ZNF605: variants seen among roughly 807,000 people sequenced by gnomAD.
ZNF605 encodes the protein zinc finger protein 605.
A neutral mutation model predicts 7.9 loss-of-function variants in ZNF605; 9 were observed. The observed-to-expected ratio is 1.14, with a 90% CI of 0.68 to 1.98. ZNF605 has a LOEUF of 1.98. Among genes scored for constraint, ZNF605 ranks in the 30% most tolerant of loss-of-function variants. The pLI, the probability that ZNF605 is intolerant of heterozygous loss-of-function variation, is 0.00. For missense variants in ZNF605, 673 were observed against 762.4 expected, an observed-to-expected ratio of 0.88 and a Z score of 1.38; for synonymous variants, 255 against 260.1, an observed-to-expected ratio of 0.98 and a Z score of 0.19.
At chr12:132,930,879 AC>A (rs1341885338) in intron 4 of ZNF605, among the ~76,000 whole-genome samples, 5 of 152,022 alleles carry the variant, frequency 3.3e-5, no homozygotes, top group Admixed American at 3.3e-4. Context: ...ATTATGCCTC[AC>A]CCCTGTAATC....
In ZNF605 at chr12:132,926,510, A is replaced by C; in HGVS notation, c.789T>G (p.Ser263Arg). Residue 263 changes from serine to arginine, a missense_variant, in exon 5 of 5, where the codon AGT becomes AGG. Physicochemically the swap from Ser to Arg is moderately radical, Grantham distance 110 (BLOSUM62 -1). Transcript: ENST00000360187. ...GATGTCTTTTAAGCTGCGACTTCCTACTGAAGGCTTTTCCACATTCACTGC... is the reference window on the plus strand; with the variant it reads ...GATGTCTTTTAAGCTGCGACTTCCTCCTGAAGGCTTTTCCACATTCACTGC... Reference protein sequence around the residue: ...YGCSECGKAFSRKSQLKRHQI... With the variant: ...YGCSECGKAFRRKSQLKRHQI... 6.2e-7 allele frequency: 1 copy of C among 1,614,012 alleles called. No homozygotes were observed. Among genetic ancestry groups the C allele is most frequent in the Non-Finnish European group, 8.5e-7 (1 of 1,179,972 alleles).
At chr12:132,954,449 A>AGGAAAAGGGTGGGGAGGGG (rs1952612578) in intron 1 of ZNF605, among the ~76,000 whole-genome samples, 1 of 2,202 alleles carries the variant, frequency 4.5e-4, no homozygotes, top group African/African-American at 1.8e-3. Flanking sequence ...TAGGGAGGGG[A>AGGAAAAGGGTGGGGAGGGG]GGAGAAGGGT....
chr12:132,934,103 ACACACACACATG>A (rs1412547436), intron 3 of ZNF605, among the ~76,000 whole-genome samples: 6 of 151,254 alleles, frequency 4.0e-5, no homozygotes, highest in Admixed American at 3.3e-4. Flanking sequence ...TTAAACACAC[ACACACACACATG>A]CACACACACA....
At chr12:132,927,310 A>T in intron 4 of ZNF605, 148 bp from the exon 5 acceptor site, 1 of 528,972 alleles carries the variant, frequency 1.9e-6, no homozygotes, top group Admixed American at 3.8e-5. Context: ...TTTTAACAGA[A>T]ATGAAAATGA....
chr12:132,930,090 G>T (rs2137129395), intron 4 of ZNF605, among the ~76,000 whole-genome samples: 1 of 152,216 alleles, frequency 6.6e-6, no homozygotes, highest in East Asian at 1.9e-4. Context: ...GAGTGACGAG[G>T]TAGGGTCATA....
chr12:132,926,243 G>A lies in ZNF605; in HGVS notation c.1056C>T (p.Leu352=), dbSNP rs1212084943. 3 of 1,613,636 alleles carry A rather than the reference G, an allele frequency of 1.9e-6. No homozygotes were observed. In the African/African-American group the frequency reaches 4.0e-5, roughly 22 times the overall value. ...CTGTATGAATCCTCTGATGCCTAAT[G>A]AGAAGTGAGTTCCTGCTGAAGGCTT... is the stretch of plus-strand genomic sequence containing the variant. ...CQKAFSRNSL[L]IRHQRIHTGE... Residue 352 remains leucine, a synonymous_variant, in exon 5 of 5, where the codon CTC becomes CTT. Transcript: ENST00000360187.
intron 3 of ZNF605, among the ~76,000 whole-genome samples, chr12:132,938,138 G>T (rs1412576786): frequency 1.3e-5 from 2 of 148,478 alleles, no homozygotes; most frequent in Non-Finnish European, 3.0e-5. Context: ...CTGCCACTAC[G>T]CCCGGCTAAC....
chr12:132,931,904 T>C (rs1217681752), intron 4 of ZNF605, among the ~76,000 whole-genome samples: 1 of 152,134 alleles, frequency 6.6e-6, no homozygotes, highest in Non-Finnish European at 1.5e-5. Context: ...AAGCAAAATC[T>C]CCTTACTATG....
chr12:132,943,364 AAAAAAAAAC>A (rs1952464317), intron 3 of ZNF605, among the ~76,000 whole-genome samples: 1 of 151,852 alleles, frequency 6.6e-6, no homozygotes, highest in African/African-American at 2.4e-5. Context: ...ATCTCAAAAA[AAAAAAAAAC>A]AAAAAAAACC....
At chr12:132,943,140 A>G (rs771922923) in intron 3 of ZNF605, among the ~76,000 whole-genome samples, 1 of 152,022 alleles carries the variant, frequency 6.6e-6, no homozygotes, top group Non-Finnish European at 1.5e-5. Flanking sequence ...AGGTGGGTGG[A>G]TCCCAAGGTC....
At position 132,950,928 on chromosome 12, in the gene ZNF605, TAC is replaced by T. The variant is rs1421978474; in HGVS notation, c.-285-2660_-285-2659del. ...CACATACTGATACACACGTAACGTA[TAC>T]ACAGACACGTACACATAGACATGCA... On this transcript the variant is annotated intron_variant, in intron 1 of 4. Coordinates refer to ENST00000360187, the MANE Select transcript of ZNF605 (RefSeq NM_183238.4). Among the ~76,000 whole-genome samples the T allele has an allele frequency of 7.4e-5, 11 of 148,884 alleles. No individual in the cohort carries two copies. In the South Asian group the frequency reaches 8.5e-4, roughly 12 times the overall value.
intron 1 of ZNF605, among the ~76,000 whole-genome samples, chr12:132,953,837 C>T (rs1952601149): frequency 6.6e-6 from 1 of 152,062 alleles, no homozygotes; most frequent in South Asian, 2.1e-4. Flanking sequence ...CACCCTCACC[C>T]ACCCGCACAC....
In ZNF605 at chr12:132,940,089, A is replaced by G. The variant is rs532774022; in HGVS notation, c.15+5532T>C. Among the ~76,000 whole-genome samples the G allele has an allele frequency of 8.9e-4, 136 of 152,062 alleles. 1 individual carries two copies. The highest frequency in any genetic ancestry group is 1.4e-3 in the Non-Finnish European group (92 of 67,932). On this transcript the variant is annotated intron_variant, in intron 3 of 4. Coordinates refer to ENST00000360187, the MANE Select transcript of ZNF605 (RefSeq NM_183238.4). ...CGGCTTCATTCTTGAAGTCAGTGAGACCAAGAACCCACCCATTCTGGACAC... is the reference window on the plus strand; with the variant it reads ...CGGCTTCATTCTTGAAGTCAGTGAGGCCAAGAACCCACCCATTCTGGACAC...
chr12:132,942,613 C>T (rs951621328), intron 3 of ZNF605, among the ~76,000 whole-genome samples: 6 of 152,198 alleles, frequency 3.9e-5, no homozygotes, highest in Admixed American at 6.5e-5. Context: ...CTGAGGCGTG[C>T]GTGCCCGGCT....
rs984287858 is a variant in ZNF605 at position 132,923,678 on chromosome 12, T to A, written c.*1695A>T. 1 of 152,198 alleles carries A rather than the reference T, an allele frequency of 6.6e-6. No homozygotes were observed. Among genetic ancestry groups the A allele is most frequent in the African/African-American group, 2.4e-5 (1 of 41,448 alleles). 9.4% of individuals were successfully genotyped at this position (152,198 alleles called of 1,614,324 possible). ...GTGCACTGCTGTGATGTAAATTATG[T>A]TTATTCTACTTCAGGTCATTTGAGC... On this transcript the variant is annotated 3_prime_UTR_variant, in exon 5 of 5. Transcript: ENST00000360187.
At chr12:132,949,685 TG>T (rs879125574) in intron 1 of ZNF605, among the ~76,000 whole-genome samples, 30 of 151,474 alleles carry the variant, frequency 2.0e-4, no homozygotes, top group African/African-American at 7.3e-4. Context: ...ACTCAGGTCA[TG>T]AGGGGAGACA....
chr12:132,939,110 A>G lies in ZNF605; in HGVS notation c.16-5955T>C, dbSNP rs866865842. 4.4e-3 allele frequency among the ~76,000 whole-genome samples: 664 copies of G among 151,528 alleles called. 1 individual carries two copies. Among genetic ancestry groups the G allele is most frequent in the Middle Eastern group, 0.01 (3 of 294 alleles). On this transcript the variant is annotated intron_variant, in intron 3 of 4. Coordinates refer to ENST00000360187, the MANE Select transcript of ZNF605 (RefSeq NM_183238.4). ...CCCCTGCTCCACGGCGCCCAGTCCC[A>G]TCGACCACCCAAGGGCTGAGGAATG...
chr12:132,925,212 C>A lies in ZNF605; in HGVS notation c.*161G>T. 1.8e-6 allele frequency: 1 copy of A among 542,014 alleles called. No homozygotes were observed. The highest frequency in any genetic ancestry group is 3.1e-6 in the Non-Finnish European group (1 of 318,354). The allele number at this position is 542,014 out of a possible 1,614,324, so 33.6% of individuals were successfully genotyped here. A position where few individuals can be genotyped will look rare whatever the true frequency, so the allele number is the denominator to read the frequency against. ...TTTTACACTGTTTGCTTTTTAAAAA[C>A]TTCTCTTTCTAAATTCTGCTTAGTG... On this transcript the variant is annotated 3_prime_UTR_variant, in exon 5 of 5. Coordinates refer to ENST00000360187, the MANE Select transcript of ZNF605 (RefSeq NM_183238.4).
intron 4 of ZNF605, among the ~76,000 whole-genome samples, chr12:132,929,533 G>T (rs1199231823): frequency 6.6e-6 from 1 of 152,186 alleles, no homozygotes; most frequent in African/African-American, 2.4e-5. Context: ...AAAAGCAAGA[G>T]TCATATGTAG....
Sources: gnomAD v4.1 joint callset for allele counts (sites outside exome capture counted in the v4.1 genomes callset) on GRCh38, gnomAD v4.1.1 for gene constraint, MANE v1.5 for transcripts, NCBI Gene and HGNC (gene_info 2026-07-23, HGNC 2026-07-21) for gene names.